Variants in CC2D1B observed in about 807,000 individuals in gnomAD.
The protein encoded by CC2D1B is coiled-coil and C2 domain containing 1B, also known as coiled-coil and C2 domain-containing protein 1B.
CC2D1B carries 92 observed loss-of-function variants against 110.8 expected under a neutral mutation model. The observed-to-expected ratio is 0.83, with a 90% CI of 0.70 to 0.99. CC2D1B has a LOEUF of 0.99. Ranked by LOEUF, CC2D1B falls within the 50% of genes least tolerant of loss-of-function variation. The pLI is 0.00. For missense variants in CC2D1B, 1,136 were observed against 1,089.0 expected (o/e 1.04, Z -0.61); for synonymous variants, 406 against 429.2 (o/e 0.95, Z 0.67).
In CC2D1B at chr1:52,354,894, C is replaced by T; in HGVS notation, c.2285G>A (p.Gly762Asp). The T allele has an allele frequency of 6.2e-7, 1 of 1,614,214 alleles. No homozygotes were observed. The highest frequency in any genetic ancestry group is 1.1e-5 in the South Asian group (1 of 91,088). The stretch of plus-strand genomic sequence containing the variant: ...TTTGCTCTGGATCACCCTCTTGAAG[C>T]CCCGGTGGTTTCGGTTGATGTTTAG... Reference protein sequence around the residue: ...FKLNINRNHRGFKRVIQSKGI... With the variant: ...FKLNINRNHRDFKRVIQSKGI... Residue 762 changes from glycine (G) to aspartate (D), a missense_variant, in exon 22 of 25, where the codon GGC (glycine) becomes GAC (aspartate). Coordinates refer to ENST00000284376, the MANE Select transcript of CC2D1B (RefSeq NM_001330585.2).
chr1:52,354,542 G>T, intron 23 of CC2D1B, 66 bp downstream of exon 23: 1 of 1,241,918 alleles, frequency 8.1e-7, no homozygotes, highest in Non-Finnish European at 1.2e-6. Flanking sequence ...AACAAGGTGT[G>T]GCATTCAGTG....
chr1:52,362,684 A>AC lies in CC2D1B; in HGVS notation c.131_132insG (p.Asp44GlufsTer2). On this transcript the variant is annotated frameshift_variant, in exon 3 of 25. Transcript: ENST00000284376. LOFTEE classifies it high-confidence loss of function. The stretch of plus-strand genomic sequence containing the variant: ...GCAGCTCAGCCTCCAGGTCCTCATC[A>AC]TCTTCAGCCTCATCCATGCCCAGCA... 6.2e-7 allele frequency: 1 copy of AC among 1,614,146 alleles called. No individual in the cohort carries two copies. The highest frequency in any genetic ancestry group is 1.3e-5 in the African/African-American group (1 of 75,032).
At position 52,362,666 on chromosome 1, in the gene CC2D1B, A is replaced by G. The variant is rs1646808086; in HGVS notation, c.150T>C (p.Ala50=). ...CTTCCCCTGTGAGAGCCAGCAGCTCAGCCTCCAGGTCCTCATCATCTTCAG... is the reference window on the plus strand; with the variant it reads ...CTTCCCCTGTGAGAGCCAGCAGCTCGGCCTCCAGGTCCTCATCATCTTCAG... ...DEAEDDEDLE[A]ELLALTGEAQ... is the part of the protein sequence containing the mutation. The change falls in exon 3 of 25, where the codon GCT becomes GCC. Residue 50 remains alanine (A), a synonymous_variant. Transcript: ENST00000284376. 1 of 1,614,068 alleles carries G rather than the reference A, an allele frequency of 6.2e-7. No homozygotes were observed. Among genetic ancestry groups the G allele is most frequent in the African/African-American group, 1.3e-5 (1 of 74,910 alleles).
At chr1:52,358,507 G>A in intron 12 of CC2D1B, 46 bp from the exon 13 acceptor site, 1 of 1,611,288 alleles carries the variant, frequency 6.2e-7, no homozygotes, top group Non-Finnish European at 8.5e-7. Flanking sequence ...CAGCCTCAGA[G>A]AAGCACAAAG....
chr1:52,361,451 C>T, intron 4 of CC2D1B, 62 bp downstream of exon 4: 1 of 1,606,644 alleles, frequency 6.2e-7, no homozygotes, highest in Non-Finnish European at 8.5e-7. Flanking sequence ...TCTCCACTGC[C>T]CTCTCCTCCA....
At chr1:52,357,986 T>C (rs1158819018) in intron 13 of CC2D1B, 88 bp from the exon 14 acceptor site, 3 of 1,489,854 alleles carry the variant, frequency 2.0e-6, no homozygotes, top group Non-Finnish European at 2.7e-6. Flanking sequence ...TTCCTAACAC[T>C]GTACTACATC....
intron 1 of CC2D1B, among the ~76,000 whole-genome samples, chr1:52,365,209 T>C (rs1646856940): frequency 6.6e-6 from 1 of 152,214 alleles, no homozygotes; most frequent in Non-Finnish European, 1.5e-5. Context: ...TCACAGGACC[T>C]CCTGTGTCAG....
rs114422923 is a variant in CC2D1B, at chr1:52,357,321, C to G, written c.1753-195G>C. On this transcript the variant is annotated intron_variant, in intron 15 of 24. Coordinates refer to ENST00000284376, the MANE Select transcript of CC2D1B (RefSeq NM_001330585.2). The stretch of plus-strand genomic sequence containing the variant: ...CCTGGCCCAGCCTTGTCATCTCTGA[C>G]CACAGGCAGCCCACCTTCCCTTCTC... 1.3e-3 allele frequency: 1,195 copies of G among 905,622 alleles called. 12 individuals carry two copies. The African/African-American group carries it at 0.019, about 14-fold the overall frequency. The allele number at this position is 905,622 out of a possible 1,614,324, so 56.1% of individuals were successfully genotyped here.
intron 23 of CC2D1B, chr1:52,353,898 T>C (rs1277697333): frequency 2.6e-6 from 1 of 388,122 alleles, no homozygotes; most frequent in Non-Finnish European, 4.6e-6. Context: ...CATTTTCTCC[T>C]CAATCCCCAC....
rs1646844287 is a variant in CC2D1B, at chr1:52,364,500, G to C, written c.69+52C>G. On this transcript the variant is annotated intron_variant, in intron 2 of 24. Transcript: ENST00000284376. The stretch of plus-strand genomic sequence containing the variant: ...TGATCCAGTTTGCCTAAGTTGTCTA[G>C]GGACCCCCATCCCCAAACCGACCCA... 3 of 1,295,454 alleles carry C rather than the reference G, an allele frequency of 2.3e-6. No individual in the cohort carries two copies. In the Admixed American group the frequency reaches 6.2e-5, roughly 27 times the overall value. 80.2% of individuals were successfully genotyped at this position (1,295,454 alleles called of 1,614,324 possible).
intron 2 of CC2D1B, 75 bp from the exon 3 acceptor site, chr1:52,362,821 C>A (rs1317063275): frequency 2.7e-6 from 4 of 1,486,958 alleles, no homozygotes; most frequent in African/African-American, 2.8e-5. Flanking sequence ...AGACTTGGGG[C>A]TCTCCAAGTC....
In CC2D1B at chr1:52,357,590, A is replaced by T; in HGVS notation, c.1688T>A (p.Val563Glu). Residue 563 changes from valine (V) to glutamate (E), a missense_variant, in exon 15 of 25, where the codon GTA becomes GAA. Coordinates refer to ENST00000284376, the MANE Select transcript of CC2D1B (RefSeq NM_001330585.2). ...DLEQAKAYLRVAKWLEAQIIQ... is the reference protein window; with the variant it reads ...DLEQAKAYLREAKWLEAQIIQ... ...GATCTGAGCCTCAAGCCATTTGGCT[A>T]CCCGCAGATAGGCTTTGGCCTGCTC... 1.3e-6 allele frequency: 2 copies of T among 1,586,006 alleles called. No individual in the cohort carries two copies. Among genetic ancestry groups the T allele is most frequent in the Non-Finnish European group, 1.7e-6 (2 of 1,164,950 alleles).
rs1646542760 is a variant in CC2D1B, at chr1:52,352,266, C to G, written c.*959G>C. On this transcript the variant is annotated 3_prime_UTR_variant, in exon 25 of 25. Coordinates refer to ENST00000284376, the MANE Select transcript of CC2D1B (RefSeq NM_001330585.2). ...TACAAACCCCTTCATAGTCTCCATC[C>G]ATTCAGAAAAACAAAGCCAAAGGAG... is the stretch of plus-strand genomic sequence containing the variant. 1 of 152,244 alleles carries G rather than the reference C, an allele frequency of 6.6e-6. No homozygotes were observed. Among genetic ancestry groups the G allele is most frequent in the Non-Finnish European group, 1.5e-5 (1 of 68,022 alleles). The allele number at this position is 152,244 out of a possible 1,614,324, so 9.4% of individuals were successfully genotyped here. A position where few individuals can be genotyped will look rare whatever the true frequency, so the allele number is the denominator to read the frequency against.
chr1:52,359,299 G>A lies in CC2D1B; in HGVS notation c.1077C>T (p.Ala359=), dbSNP rs150843979. The part of the protein sequence containing the change: ...APTAPSVIPP[A]VERVQPVMAP... ...CCATCACTGGCTGCACTCGCTCCAC[G>A]GCTGGGGGAATGACTGAGGGTGCTG... Residue 359 remains alanine (A), a synonymous_variant, in exon 10 of 25, where the codon GCC becomes GCT. Coordinates refer to ENST00000284376, the MANE Select transcript of CC2D1B (RefSeq NM_001330585.2). The A allele has an allele frequency of 8.1e-6, 13 of 1,613,326 alleles. No individual in the cohort carries two copies. Among genetic ancestry groups the A allele is most frequent in the African/African-American group, 2.7e-5 (2 of 74,938 alleles).
intron 13 of CC2D1B, 62 bp downstream of exon 13, chr1:52,358,269 C>T (rs1232945243): frequency 1.3e-6 from 2 of 1,575,844 alleles, no homozygotes; most frequent in Non-Finnish European, 1.7e-6. Flanking sequence ...ACAACAGGGT[C>T]TGGGTTTACC....
intron 3 of CC2D1B, 90 bp from the exon 4 acceptor site, chr1:52,361,706 A>G (rs774408188): frequency 1.0e-5 from 15 of 1,507,220 alleles, no homozygotes; most frequent in Non-Finnish European, 1.3e-5. Flanking sequence ...CCCAGGCAGA[A>G]ATCCCTCTTC....
Position 52,357,036 on chromosome 1 carries a change from C to G in CC2D1B, c.1843G>C (p.Ala615Pro). 6.3e-7 allele frequency: 1 copy of G among 1,582,378 alleles called. No individual in the cohort carries two copies. The highest frequency in any genetic ancestry group is 1.7e-4 in the Middle Eastern group (1 of 6,000). Residue 615 changes from alanine (A) to proline (P), a missense_variant, in exon 16 of 25, where the codon GCC becomes CCC. By Grantham distance (27) the Ala-to-Pro change is conservative. Transcript: ENST00000284376. ...TCCAGAAGCATTTTTTGCAGCTGGG[C>G]ATACACCTCCTCCGCCTTCTGGGAG... is the stretch of plus-strand genomic sequence containing the variant. ...RLSQKAEEVY[A>P]QLQKMLLEQQ...
intron 12 of CC2D1B, 76 bp downstream of exon 12, chr1:52,358,610 A>C (rs1289676304): frequency 1.3e-6 from 2 of 1,567,892 alleles, no homozygotes; most frequent in African/African-American, 2.7e-5. Context: ...AGAAGTGGGA[A>C]TCACTGGCTG....
chr1:52,355,909 C>T (rs1646641628), intron 18 of CC2D1B, 65 bp from the exon 19 acceptor site: 13 of 1,521,126 alleles, frequency 8.5e-6, no homozygotes, highest in African/African-American at 2.7e-5. Flanking sequence ...AAGGTCCCTT[C>T]GTCCAGGGCC....
Sources: gnomAD v4.1 joint callset for allele counts (sites outside exome capture counted in the v4.1 genomes callset) on GRCh38, gnomAD v4.1.1 for gene constraint, MANE v1.5 for transcripts, NCBI Gene and HGNC (gene_info 2026-07-23, HGNC 2026-07-21) for gene names.